The following AGBL4 variants were observed in gnomAD, a reference collection of about 807,000 sequenced individuals.
AGBL4 encodes AGBL carboxypeptidase 4, also known as cytosolic carboxypeptidase 6.
In AGBL4, 58 loss-of-function variants were observed where a neutral mutation model predicts 66.4. The ratio of observed to expected loss-of-function variants is 0.87; its 90% CI spans 0.71 to 1.09. AGBL4 has a LOEUF of 1.09. AGBL4 is among the 50% of genes least tolerant of loss of function. The pLI, the probability that AGBL4 is intolerant of heterozygous loss-of-function variation, is 0.00. For synonymous variants in AGBL4, 234 were observed against 222.9 expected, an observed-to-expected ratio of 1.05 and a Z score of -0.44; for missense variants, 579 against 631.0, an observed-to-expected ratio of 0.92 and a Z score of 0.88.
chr1:49,085,180 C>T (rs1644882494), intron 4 of AGBL4, among the ~76,000 whole-genome samples: 1 of 152,076 alleles, frequency 6.6e-6, no homozygotes. Context: ...TTTGCTGTCT[C>T]TGCCTGAGCT....
At chr1:49,601,224 T>A (rs924353085) in intron 3 of AGBL4, among the ~76,000 whole-genome samples, 1 of 152,196 alleles carries the variant, frequency 6.6e-6, no homozygotes, top group Non-Finnish European at 1.5e-5. Flanking sequence ...AAGAGTATTT[T>A]CGAACTTAGT....
At chr1:49,375,120 T>C (rs1644445315) in intron 3 of AGBL4, among the ~76,000 whole-genome samples, 1 of 152,148 alleles carries the variant, frequency 6.6e-6, no homozygotes, top group Non-Finnish European at 1.5e-5. Context: ...CCTGGAAAAC[T>C]ACATTCGTTT....
At chr1:48,886,455 TA>T (rs1252852108) in intron 5 of AGBL4, among the ~76,000 whole-genome samples, 1 of 152,234 alleles carries the variant, frequency 6.6e-6, no homozygotes, top group African/African-American at 2.4e-5. Flanking sequence ...TCAAGTGTAA[TA>T]AAAGGGAATA....
chr1:49,744,246 T>C (rs1266894832), intron 2 of AGBL4, among the ~76,000 whole-genome samples: 1 of 151,964 alleles, frequency 6.6e-6, no homozygotes, highest in African/African-American at 2.4e-5. Flanking sequence ...TGATAGTGAG[T>C]GAATTCCCAT....
At chr1:49,143,099 A>G (rs1002075097) in intron 4 of AGBL4, among the ~76,000 whole-genome samples, 3 of 152,044 alleles carry the variant, frequency 2.0e-5, no homozygotes, top group African/African-American at 7.3e-5. Context: ...AGGACAAGCC[A>G]TCAAAGTAGT....
At chr1:49,121,063 T>C (rs1188527537) in intron 4 of AGBL4, among the ~76,000 whole-genome samples, 1 of 152,206 alleles carries the variant, frequency 6.6e-6, no homozygotes, top group Non-Finnish European at 1.5e-5. Flanking sequence ...CATCAGGTCA[T>C]TTCAGGTCTT....
chr1:48,714,687 A>T (rs1319389913), intron 6 of AGBL4, among the ~76,000 whole-genome samples: 1 of 151,786 alleles, frequency 6.6e-6, no homozygotes, highest in African/African-American at 2.4e-5. Flanking sequence ...CTCTTCAATG[A>T]CTCCTTGTTG....
At chr1:49,172,687 A>G (rs1378287653) in intron 4 of AGBL4, among the ~76,000 whole-genome samples, 2 of 152,194 alleles carry the variant, frequency 1.3e-5, no homozygotes, top group Admixed American at 6.5e-5. Flanking sequence ...ACACAGAAGA[A>G]GATAGTAAAA....
chr1:48,707,091 C>T (rs959585860), intron 6 of AGBL4, among the ~76,000 whole-genome samples: 7 of 152,084 alleles, frequency 4.6e-5, no homozygotes, highest in East Asian at 3.9e-4. Context: ...TCCGGGAGTT[C>T]GAGACCAGCC....
chr1:49,388,134 C>T (rs1644771946), intron 3 of AGBL4, among the ~76,000 whole-genome samples: 1 of 152,080 alleles, frequency 6.6e-6, no homozygotes, highest in Non-Finnish European at 1.5e-5. Context: ...TACTTCAATA[C>T]CATCATCCTA....
chr1:49,009,086 G>A (rs995685094), intron 5 of AGBL4, among the ~76,000 whole-genome samples: 9 of 151,566 alleles, frequency 5.9e-5, no homozygotes, highest in Non-Finnish European at 1.2e-4. Context: ...AATGAATCCA[G>A]GAGCTGGTTT....
At chr1:49,685,095 T>C (rs951426804) in intron 3 of AGBL4, among the ~76,000 whole-genome samples, 1 of 152,290 alleles carries the variant, frequency 6.6e-6, no homozygotes, top group East Asian at 1.9e-4. Context: ...GTGCCTATTG[T>C]TCCTTTCTTT....
intron 6 of AGBL4, among the ~76,000 whole-genome samples, chr1:48,762,974 C>A (rs951141207): frequency 6.6e-6 from 1 of 152,014 alleles, no homozygotes; most frequent in African/African-American, 2.4e-5. Flanking sequence ...CAATAATTCA[C>A]GCAACCCACC....
intron 1 of AGBL4, among the ~76,000 whole-genome samples, chr1:49,974,848 T>C (rs1034572655): frequency 3.9e-5 from 6 of 152,152 alleles, no homozygotes; most frequent in Admixed American, 3.3e-4. Context: ...TTTAAATACA[T>C]ATGCTTTAAA....
chr1:49,682,005 T>C (rs181616703), intron 3 of AGBL4, among the ~76,000 whole-genome samples: 10 of 152,320 alleles, frequency 6.6e-5, no homozygotes. Context: ...CCTTGGCCTC[T>C]GCCTACTAAA....
At chr1:49,128,772 C>T (rs996241629) in intron 4 of AGBL4, among the ~76,000 whole-genome samples, 5 of 151,682 alleles carry the variant, frequency 3.3e-5, no homozygotes, top group Non-Finnish European at 1.5e-5. Flanking sequence ...TCTGGAAGAA[C>T]ACATAGGAAA....
intron 3 of AGBL4, among the ~76,000 whole-genome samples, chr1:49,394,704 A>G (rs1331912354): frequency 6.6e-6 from 1 of 152,222 alleles, no homozygotes; most frequent in Non-Finnish European, 1.5e-5. Context: ...ATGTCAGCCT[A>G]ACCTTCCCTC....
At chr1:49,781,717 T>C (rs1473436360) in intron 2 of AGBL4, among the ~76,000 whole-genome samples, 1 of 152,102 alleles carries the variant, frequency 6.6e-6, no homozygotes, top group East Asian at 1.9e-4. Context: ...GAACATTCTC[T>C]AGGTTAAGGC....
intron 2 of AGBL4, among the ~76,000 whole-genome samples, chr1:49,804,617 A>G (rs1233913778): frequency 1.3e-5 from 2 of 152,156 alleles, no homozygotes; most frequent in East Asian, 1.9e-4. Context: ...TATATTACTG[A>G]AGGCTGAATT....
Sources: allele counts gnomAD v4.1 joint callset (sites outside exome capture counted in the v4.1 genomes callset), GRCh38; gene constraint gnomAD v4.1.1; transcripts MANE v1.5; gene names NCBI Gene and HGNC (gene_info 2026-07-23, HGNC 2026-07-21).